Variants in CCDC3 observed in about 807,000 individuals in gnomAD.
The protein encoded by CCDC3 is coiled-coil domain-containing protein 3.
A neutral mutation model predicts 21.4 loss-of-function variants in CCDC3; 24 were observed. The observed-to-expected ratio is 1.12, with a 90% CI of 0.81 to 1.58. The LOEUF (loss-of-function observed/expected upper bound fraction) is 1.58, where lower values mean the gene tolerates loss of function less well. CCDC3 is among the 40% of genes most tolerant of loss of function. The pLI is 0.00. For synonymous variants in CCDC3, 186 were observed against 166.0 expected (o/e 1.12, Z -0.93); for missense variants, 425 against 360.9 (o/e 1.18, Z -1.44).
At chr10:12,970,593 T>A (rs1835327401) in intron 2 of CCDC3, among the ~76,000 whole-genome samples, 1 of 152,148 alleles carries the variant, frequency 6.6e-6, no homozygotes, top group Admixed American at 6.5e-5. Flanking sequence ...TAAAAGTCAG[T>A]CTGGGCCGGG....
chr10:13,072,429 C>A (rs915427322), intron 4 of CCDC3, among the ~76,000 whole-genome samples: 2 of 152,298 alleles, frequency 1.3e-5, no homozygotes, highest in African/African-American at 4.8e-5. Flanking sequence ...AATGCCTAGG[C>A]AGATATAAAG....
At chr10:13,042,031 A>G (rs906844376) in intron 5 of CCDC3, among the ~76,000 whole-genome samples, 1 of 152,224 alleles carries the variant, frequency 6.6e-6, no homozygotes, top group African/African-American at 2.4e-5. Context: ...AGGAGATCCC[A>G]GACGCTTTGG....
chr10:12,964,752 CAA>C (rs1835236433), intron 2 of CCDC3, among the ~76,000 whole-genome samples: 1 of 152,174 alleles, frequency 6.6e-6, no homozygotes, highest in Admixed American at 6.5e-5. Context: ...AACAAAGAGA[CAA>C]AGAGGGCAAG....
chr10:12,920,617 CAAACTTTAAAAGTTTTAA>C (rs1293853089), intron 2 of CCDC3, among the ~76,000 whole-genome samples: 6 of 152,284 alleles, frequency 3.9e-5, no homozygotes, highest in East Asian at 1.9e-4. Flanking sequence ...CTTTTAATGG[CAAACTTTAAAAGTTTTAA>C]AAACTTTAAA....
At chr10:13,052,731 G>A (rs1047454978) in intron 4 of CCDC3, among the ~76,000 whole-genome samples, 1 of 152,024 alleles carries the variant, frequency 6.6e-6, no homozygotes, top group Non-Finnish European at 1.5e-5. Flanking sequence ...CTTGAAGCCA[G>A]GAGTTCGAGA....
intron 2 of CCDC3, among the ~76,000 whole-genome samples, chr10:12,985,549 G>A (rs1211311910): frequency 6.6e-6 from 1 of 151,292 alleles, no homozygotes; most frequent in East Asian, 2.0e-4. Flanking sequence ...TAGGCAACTC[G>A]TTAAGCAATC....
chr10:13,080,583 C>T (rs1424654558), intron 3 of CCDC3, among the ~76,000 whole-genome samples: 1 of 152,130 alleles, frequency 6.6e-6, no homozygotes, highest in Admixed American at 6.5e-5. Flanking sequence ...AAAGAAAATT[C>T]AAAAGAAAAA....
intron 2 of CCDC3, among the ~76,000 whole-genome samples, chr10:12,920,256 A>G (rs141492404): frequency 1.3e-5 from 2 of 152,310 alleles, no homozygotes; most frequent in African/African-American, 4.8e-5. Context: ...AAGCCATCAG[A>G]TCTCATGAGA....
At chr10:13,071,002 A>G (rs1564339250) in intron 4 of CCDC3, among the ~76,000 whole-genome samples, 2 of 152,162 alleles carry the variant, frequency 1.3e-5, no homozygotes, top group African/African-American at 4.8e-5. Context: ...AACAAAAGGG[A>G]TGGGTGACGT....
At chr10:13,075,998 G>A (rs765550342) in intron 3 of CCDC3, among the ~76,000 whole-genome samples, 3 of 152,186 alleles carry the variant, frequency 2.0e-5, no homozygotes, top group Non-Finnish European at 4.4e-5. Flanking sequence ...GGAGGCAGAG[G>A]TTGCAATGAG....
chr10:12,992,678 A>G (rs1835699216), intron 2 of CCDC3, among the ~76,000 whole-genome samples: 1 of 152,114 alleles, frequency 6.6e-6, no homozygotes, highest in South Asian at 2.1e-4. Flanking sequence ...GTGAGGGATA[A>G]AAAAGACTAC....
intron 2 of CCDC3, among the ~76,000 whole-genome samples, chr10:12,931,082 GC>G (rs1277187101): frequency 2.6e-5 from 4 of 152,028 alleles, no homozygotes; most frequent in East Asian, 3.9e-4. Flanking sequence ...ATGGTGGCCT[GC>G]GGCTGTAATC....
intron 5 of CCDC3, among the ~76,000 whole-genome samples, chr10:13,009,328 A>T (rs1317777451): frequency 6.6e-6 from 1 of 152,220 alleles, no homozygotes; most frequent in Non-Finnish European, 1.5e-5. Flanking sequence ...CAATATTGTT[A>T]AGATGTTCAT....
intron 2 of CCDC3, among the ~76,000 whole-genome samples, chr10:12,972,537 C>A (rs1835358534): frequency 6.6e-6 from 1 of 152,144 alleles, no homozygotes; most frequent in Non-Finnish European, 1.5e-5. Context: ...GAAATTGGGC[C>A]AGGCACGATG....
chr10:13,062,789 G>T, intron 4 of CCDC3, among the ~76,000 whole-genome samples: 1 of 152,254 alleles, frequency 6.6e-6, no homozygotes, highest in East Asian at 1.9e-4. Flanking sequence ...TCATGCAGCT[G>T]GAGGCTACAA....
At chr10:12,942,098 C>T (rs1199991357) in intron 2 of CCDC3, among the ~76,000 whole-genome samples, 1 of 152,146 alleles carries the variant, frequency 6.6e-6, no homozygotes, top group African/African-American at 2.4e-5. Context: ...CTCTTGTTTT[C>T]TCTAGAACCT....
At position 13,018,579 on chromosome 10, in the gene CCDC3, C is replaced by T. The variant is rs185902902; in HGVS notation, c.-1-20067G>A. 2.1e-4 allele frequency among the ~76,000 whole-genome samples: 32 copies of T among 152,212 alleles called. 2 individuals carry two copies. The East Asian group carries it at 5.6e-3, about 27-fold the overall frequency. On this transcript the variant is annotated intron_variant, in intron 5 of 6. Transcript: ENST00000378839. ...GTTCCTGGAGAAATAGTTTCTCATC[C>T]TGGAGGAAGAATCTCACAGGATTTT...
intron 5 of CCDC3, among the ~76,000 whole-genome samples, chr10:13,011,987 C>T (rs1271177908): frequency 1.3e-5 from 2 of 151,860 alleles, no homozygotes; most frequent in Non-Finnish European, 2.9e-5. Context: ...GGATAACTGG[C>T]TAGCAATACG....
At chr10:13,059,793 A>T (rs921516248) in intron 4 of CCDC3, among the ~76,000 whole-genome samples, 1 of 152,122 alleles carries the variant, frequency 6.6e-6, no homozygotes, top group African/African-American at 2.4e-5. Flanking sequence ...CCAACCTTTA[A>T]AAAAACATTG....
Sources: gnomAD v4.1 joint callset for allele counts (sites outside exome capture counted in the v4.1 genomes callset) on GRCh38, gnomAD v4.1.1 for gene constraint, MANE v1.5 for transcripts, NCBI Gene and HGNC (gene_info 2026-07-23, HGNC 2026-07-21) for gene names.